The following GABRG3 variants were observed in gnomAD, a reference collection of about 807,000 sequenced individuals.
GABRG3 encodes the protein gamma-aminobutyric acid type A receptor subunit gamma3.
Under a neutral mutation model 48.8 loss-of-function variants are expected in GABRG3, and 25 were observed. The ratio of observed to expected loss-of-function variants is 0.51; its 90% CI spans 0.37 to 0.72. GABRG3 has a LOEUF of 0.72. Ranked by LOEUF, GABRG3 falls within the 30% of genes least tolerant of loss-of-function variation. GABRG3 has a pLI of 0.00. For synonymous variants in GABRG3, 227 were observed against 217.6 expected, an observed-to-expected ratio of 1.04 and a Z score of -0.38; for missense variants, 394 against 577.9, an observed-to-expected ratio of 0.68 and a Z score of 3.26.
chr15:27,336,466 A>G (rs914365014), intron 5 of GABRG3, among the ~76,000 whole-genome samples: 2 of 152,210 alleles, frequency 1.3e-5, no homozygotes, highest in Non-Finnish European at 2.9e-5. Context: ...GTAAATTAAA[A>G]CCACAGTAAG....
At chr15:27,439,679 G>A (rs1031332011) in intron 5 of GABRG3, among the ~76,000 whole-genome samples, 3 of 152,156 alleles carry the variant, frequency 2.0e-5, no homozygotes, top group African/African-American at 7.2e-5. Context: ...TTTCCACGTG[G>A]TCTTGCTCAA....
At chr15:27,416,418 TAGGCTGTGTTTGAAC>T (rs1887941384) in intron 5 of GABRG3, among the ~76,000 whole-genome samples, 1 of 152,134 alleles carries the variant, frequency 6.6e-6, no homozygotes, top group Non-Finnish European at 1.5e-5. Flanking sequence ...CCCAGCAGGT[TAGGCTGTGTTTGAAC>T]AGTATCTGCT....
At chr15:27,026,386 G>A (rs148956422) in intron 2 of GABRG3, among the ~76,000 whole-genome samples, 10 of 152,298 alleles carry the variant, frequency 6.6e-5, no homozygotes, top group Admixed American at 6.5e-4. Flanking sequence ...GCAAAACTTT[G>A]ACATTAAATT....
chr15:27,046,538 G>A (rs901593609), intron 3 of GABRG3, among the ~76,000 whole-genome samples: 2 of 152,190 alleles, frequency 1.3e-5, no homozygotes, highest in African/African-American at 4.8e-5. Flanking sequence ...CTCCTGTATC[G>A]TTAGTGCTGT....
rs180884750 is a variant in GABRG3, at chr15:27,336,938, A to G, written c.574+8050A>G. Among the ~76,000 whole-genome samples the G allele has an allele frequency of 1.7e-3, 255 of 152,378 alleles. 1 individual carries two copies. The highest frequency in any genetic ancestry group is 6.8e-3 in the Middle Eastern group (2 of 294). ...GTCACATATGTGGGATCCCATTTAT[A>G]TAACATTCTCAAAATAAGCAGGAAG... On this transcript the variant is annotated intron_variant, in intron 5 of 9. Coordinates refer to ENST00000615808, the MANE Select transcript of GABRG3 (RefSeq NM_033223.5).
At chr15:27,427,011 A>G (rs1441944564) in intron 5 of GABRG3, among the ~76,000 whole-genome samples, 2 of 152,124 alleles carry the variant, frequency 1.3e-5, no homozygotes, top group African/African-American at 4.8e-5. Context: ...ACAACCAAAC[A>G]TCTGATGTTT....
At chr15:26,988,236 T>C (rs1895185427) in intron 2 of GABRG3, among the ~76,000 whole-genome samples, 1 of 152,210 alleles carries the variant, frequency 6.6e-6, no homozygotes, top group Admixed American at 6.5e-5. Context: ...AAGAGTGAAA[T>C]CTTGATATTT....
At chr15:27,322,376 C>T (rs74731141) in intron 3 of GABRG3, among the ~76,000 whole-genome samples, 6,584 of 152,176 alleles carry the variant, frequency 0.043, 187 homozygotes, top group African/African-American at 0.069. Context: ...TGGGGATTCC[C>T]GCCTTGCTCT....
chr15:27,396,227 A>C (rs1426349437), intron 5 of GABRG3, among the ~76,000 whole-genome samples: 1 of 152,220 alleles, frequency 6.6e-6, no homozygotes, highest in African/African-American at 2.4e-5. Flanking sequence ...GACAAATTAC[A>C]TACTGGAAGA....
At chr15:27,168,942 G>T (rs780999499) in intron 3 of GABRG3, among the ~76,000 whole-genome samples, 1 of 152,240 alleles carries the variant, frequency 6.6e-6, no homozygotes, top group African/African-American at 2.4e-5. Flanking sequence ...AGAGAGCCGT[G>T]CAGCCATGAC....
chr15:27,205,287 A>AT (rs1490119427), intron 3 of GABRG3, among the ~76,000 whole-genome samples: 2 of 151,116 alleles, frequency 1.3e-5, no homozygotes, highest in Admixed American at 6.6e-5. Flanking sequence ...TTTTACAGAA[A>AT]GTTTTTTTGT....
chr15:27,219,029 A>G (rs8036762), intron 3 of GABRG3, among the ~76,000 whole-genome samples: 76,034 of 151,956 alleles, frequency 0.5, 19,370 homozygotes, highest in South Asian at 0.71. Flanking sequence ...CTCTCCACCA[A>G]TCTCCCAATG....
intron 3 of GABRG3, among the ~76,000 whole-genome samples, chr15:27,310,189 G>C (rs563967951): frequency 6.6e-6 from 1 of 152,096 alleles, no homozygotes; most frequent in East Asian, 1.9e-4. Flanking sequence ...GTAGGGAAGG[G>C]GCAATGACAA....
intron 3 of GABRG3, among the ~76,000 whole-genome samples, chr15:27,148,888 A>G (rs1898258844): frequency 6.6e-6 from 1 of 152,064 alleles, no homozygotes; most frequent in Non-Finnish European, 1.5e-5. Context: ...CGCAACTAAT[A>G]TCATACTTAA....
At chr15:27,340,977 G>A (rs763762290) in intron 5 of GABRG3, 1 of 511,846 alleles carries the variant, frequency 2.0e-6, no homozygotes, top group Non-Finnish European at 3.9e-6. Flanking sequence ...TTTGGGGTGT[G>A]TTTTGGAGGG....
intron 3 of GABRG3, among the ~76,000 whole-genome samples, chr15:27,049,778 C>T (rs538925573): frequency 9.8e-5 from 15 of 152,302 alleles, no homozygotes; most frequent in African/African-American, 2.9e-4. Context: ...GATGCGTGCA[C>T]GCTGCTAGAC....
intron 3 of GABRG3, among the ~76,000 whole-genome samples, chr15:27,170,990 C>G (rs1373173557): frequency 6.6e-6 from 1 of 152,146 alleles, no homozygotes; most frequent in East Asian, 1.9e-4. Flanking sequence ...GCTTTTAGCA[C>G]TCGCTCTTAG....
chr15:27,374,307 A>G (rs1895519504), intron 5 of GABRG3, among the ~76,000 whole-genome samples: 1 of 151,210 alleles, frequency 6.6e-6, no homozygotes, highest in Non-Finnish European at 1.5e-5. Context: ...TAATTTTTGT[A>G]TTTTTTGTAG....
intron 2 of GABRG3, among the ~76,000 whole-genome samples, chr15:26,993,678 C>T (rs989839806): frequency 1.3e-5 from 2 of 151,912 alleles, no homozygotes; most frequent in Admixed American, 6.6e-5. Context: ...TTTTCTGCAG[C>T]CCTTGAATGC....
Sources: allele counts gnomAD v4.1 joint callset (sites outside exome capture counted in the v4.1 genomes callset), GRCh38; gene constraint gnomAD v4.1.1; transcripts MANE v1.5; gene names NCBI Gene and HGNC (gene_info 2026-07-23, HGNC 2026-07-21).